Variants in ADGRL2 observed in about 807,000 individuals in gnomAD.
The protein encoded by ADGRL2 is adhesion G protein-coupled receptor L2, also known as calcium-independent alpha-latrotoxin receptor 2.
In ADGRL2, 44 loss-of-function variants were observed where a neutral mutation model predicts 157.4. The observed-to-expected ratio is 0.28, with a 90% CI of 0.22 to 0.36. The LOEUF (loss-of-function observed/expected upper bound fraction) is 0.36. Among genes scored for constraint, ADGRL2 ranks in the 10% least tolerant of loss-of-function variants. The pLI, the probability that ADGRL2 is intolerant of heterozygous loss-of-function variation, is 1.00. For synonymous variants in ADGRL2, 585 were observed against 624.7 expected (o/e 0.94, Z 0.95); for missense variants, 1,510 against 1,768.9 (o/e 0.85, Z 2.63).
intron 1 of ADGRL2, among the ~76,000 whole-genome samples, chr1:81,419,196 T>C (rs944144663): frequency 2.6e-5 from 4 of 152,188 alleles, no homozygotes; most frequent in South Asian, 4.1e-4. Flanking sequence ...CTTCTTTATC[T>C]TTTTTTATTA....
intron 2 of ADGRL2, among the ~76,000 whole-genome samples, chr1:81,517,464 CAAAAAAAAAAAAAA>C (rs397956551): frequency 2.2e-5 from 1 of 45,268 alleles, no homozygotes; most frequent in South Asian, 1.1e-3. Flanking sequence ...GACTCCCTCT[CAAAAAAAAAAAAAA>C]AAAAAAAAAA....
At chr1:81,447,573 A>G (rs1390619298) in intron 2 of ADGRL2, among the ~76,000 whole-genome samples, 1 of 152,170 alleles carries the variant, frequency 6.6e-6, no homozygotes, top group East Asian at 1.9e-4. Flanking sequence ...CTGCATGTGA[A>G]CTTTCTGAGT....
intron 3 of ADGRL2, among the ~76,000 whole-genome samples, chr1:81,595,221 C>CT (rs2081208496): frequency 6.6e-6 from 1 of 152,102 alleles, no homozygotes; most frequent in Non-Finnish European, 1.5e-5. Context: ...AAGTGCAATA[C>CT]TTTTTATGAA....
intron 2 of ADGRL2, among the ~76,000 whole-genome samples, chr1:81,484,396 C>T (rs2078455417): frequency 6.6e-6 from 1 of 152,130 alleles, no homozygotes; most frequent in African/African-American, 2.4e-5. Context: ...TTGTAGACAT[C>T]TGAACTCCAT....
At chr1:81,980,608 T>C (rs1661381793) in intron 18 of ADGRL2, among the ~76,000 whole-genome samples, 1 of 151,814 alleles carries the variant, frequency 6.6e-6, no homozygotes, top group African/African-American at 2.4e-5. Flanking sequence ...ATAATGTGAT[T>C]GTAAAAAATA....
At chr1:81,516,652 C>G (rs955505331) in intron 2 of ADGRL2, among the ~76,000 whole-genome samples, 1 of 152,168 alleles carries the variant, frequency 6.6e-6, no homozygotes, top group African/African-American at 2.4e-5. Flanking sequence ...TATTCGGGAA[C>G]GTAATCATGT....
chr1:81,678,549 G>T (rs2083042583), intron 3 of ADGRL2, among the ~76,000 whole-genome samples: 1 of 152,130 alleles, frequency 6.6e-6, no homozygotes, highest in Non-Finnish European at 1.5e-5. Context: ...GAACACAGAG[G>T]TATTTTTGTT....
chr1:81,802,469 TCTC>T (rs2088385488), intron 1 of ADGRL2, among the ~76,000 whole-genome samples: 1 of 152,012 alleles, frequency 6.6e-6, no homozygotes, highest in Non-Finnish European at 1.5e-5. Context: ...CCAGCCGGCT[TCTC>T]CTTTTCTCGT....
rs543214214 is a variant in ADGRL2 at position 81,990,616 on chromosome 1, C to G, written c.3881C>G (p.Thr1294Arg). 3.0e-5 allele frequency: 49 copies of G among 1,614,144 alleles called. No individual in the cohort carries two copies. Among genetic ancestry groups the G allele is most frequent in the Non-Finnish European group, 4.1e-5 (48 of 1,180,008 alleles). The change falls in exon 24 of 24, where the codon ACG becomes AGG. Residue 1294 changes from threonine (T) to arginine (R), a missense_variant. Physicochemically the swap from Thr to Arg is moderately conservative, Grantham distance 71. Transcript: ENST00000686636. The part of the protein sequence containing the change: ...GSSKTHNLEL[T>R]LPVKPVIGGS... ...AGCAAGACTCACAACCTCGAGCTCA[C>G]GCTACCAGTCAAACCTGTGATTGGA...
At chr1:81,395,698 C>A (rs1033771640) in intron 1 of ADGRL2, among the ~76,000 whole-genome samples, 1 of 151,986 alleles carries the variant, frequency 6.6e-6, no homozygotes, top group Admixed American at 6.6e-5. Context: ...AATATTTAAC[C>A]CATTTTGAGT....
At chr1:81,472,440 C>G (rs1200617715) in intron 2 of ADGRL2, among the ~76,000 whole-genome samples, 1 of 152,146 alleles carries the variant, frequency 6.6e-6, no homozygotes, top group African/African-American at 2.4e-5. Flanking sequence ...GGAGACCAGC[C>G]TGGGCAACAG....
intron 1 of ADGRL2, among the ~76,000 whole-genome samples, chr1:81,365,818 C>G (rs2076055652): frequency 6.6e-6 from 1 of 152,180 alleles, no homozygotes; most frequent in African/African-American, 2.4e-5. Flanking sequence ...ATCTCTTTTA[C>G]TGACTAGCTA....
chr1:81,553,927 C>T (rs1198704263), intron 2 of ADGRL2, among the ~76,000 whole-genome samples: 1 of 152,110 alleles, frequency 6.6e-6, no homozygotes, highest in Non-Finnish European at 1.5e-5. Context: ...CACTGTTTTG[C>T]TTATGTATGG....
At chr1:81,587,071 C>G (rs11163334) in intron 3 of ADGRL2, among the ~76,000 whole-genome samples, 54,625 of 151,772 alleles carry the variant, frequency 0.36, 10,205 homozygotes, top group Non-Finnish European at 0.41. Context: ...GAGAACCAAT[C>G]AACTTGTCAG....
intron 3 of ADGRL2, among the ~76,000 whole-genome samples, chr1:81,590,258 C>T (rs556796317): frequency 3.0e-4 from 45 of 152,182 alleles, no homozygotes; most frequent in Non-Finnish European, 5.9e-4. Flanking sequence ...TCCATTGAGA[C>T]ATCCGATCTC....
intron 17 of ADGRL2, among the ~76,000 whole-genome samples, chr1:81,975,647 GGC>G (rs1660010378): frequency 6.6e-6 from 1 of 151,918 alleles, no homozygotes; most frequent in Non-Finnish European, 1.5e-5. Context: ...AATTGGTGGG[GGC>G]GGGGGAGAAG....
intron 3 of ADGRL2, among the ~76,000 whole-genome samples, chr1:81,621,144 T>A (rs2081781229): frequency 6.6e-6 from 1 of 152,182 alleles, no homozygotes; most frequent in Non-Finnish European, 1.5e-5. Flanking sequence ...TTTGGCCATC[T>A]AGATGAGCAG....
Position 81,816,211 on chromosome 1 carries a change from A to T in ADGRL2, c.-101+15143A>T, listed in dbSNP as rs899260279. Among the ~76,000 whole-genome samples the T allele has an allele frequency of 4.2e-4, 64 of 151,832 alleles. 1 individual carries two copies. The highest frequency in any genetic ancestry group is 5.5e-4 in the Non-Finnish European group (37 of 67,786). ...AATATTAGCTTTTAATTGAAAATAA[A>T]CGAAAATATAGCTTTGATTTGTTAG... On this transcript the variant is annotated intron_variant, in intron 1 of 23. Coordinates refer to ENST00000686636, the MANE Select transcript of ADGRL2 (RefSeq NM_001366006.2).
intron 2 of ADGRL2, among the ~76,000 whole-genome samples, chr1:81,865,291 C>G (rs2150884275): frequency 6.6e-6 from 1 of 152,240 alleles, no homozygotes; most frequent in South Asian, 2.1e-4. Context: ...TGATGAATGA[C>G]AGCCATGTCT....
Sources: allele counts gnomAD v4.1 joint callset (sites outside exome capture counted in the v4.1 genomes callset), GRCh38; gene constraint gnomAD v4.1.1; transcripts MANE v1.5; gene names NCBI Gene and HGNC (gene_info 2026-07-23, HGNC 2026-07-21).